ZNF420: variants seen among roughly 807,000 people sequenced by gnomAD.
ZNF420 encodes the protein ATM and p53-associated KZNF protein.
In ZNF420, 31 loss-of-function variants were observed where a neutral mutation model predicts 44.7. The observed-to-expected ratio is 0.69, with a 90% CI of 0.52 to 0.94. The LOEUF (loss-of-function observed/expected upper bound fraction) is 0.94. Among genes scored for constraint, ZNF420 ranks in the 40% least tolerant of loss-of-function variants. ZNF420 has a pLI of 0.00. For missense variants in ZNF420, 681 were observed against 827.9 expected, an observed-to-expected ratio of 0.82 and a Z score of 2.18; for synonymous variants, 245 against 267.4, an observed-to-expected ratio of 0.92 and a Z score of 0.82.
chr19:37,079,870 T>C (rs895700895), intron 1 of ZNF420, among the ~76,000 whole-genome samples: 1 of 152,124 alleles, frequency 6.6e-6, no homozygotes, highest in Non-Finnish European at 1.5e-5. Flanking sequence ...GGCGCATGCC[T>C]GTAATCCCAG....
chr19:37,090,787 G>T (rs1219267670), intron 3 of ZNF420, among the ~76,000 whole-genome samples: 2 of 151,868 alleles, frequency 1.3e-5, no homozygotes, highest in African/African-American at 4.8e-5. Flanking sequence ...GGGCGCAGTG[G>T]CAGGTGCCTG....
At chr19:37,121,128 A>C (rs1196348308) in intron 4 of ZNF420, among the ~76,000 whole-genome samples, 1 of 147,820 alleles carries the variant, frequency 6.8e-6, no homozygotes, top group African/African-American at 2.5e-5. Flanking sequence ...AAACTACTTT[A>C]AAGTTCATAT....
intron 1 of ZNF420, among the ~76,000 whole-genome samples, chr19:37,028,999 T>C (rs1967202781): frequency 6.6e-6 from 1 of 152,342 alleles, no homozygotes; most frequent in South Asian, 2.1e-4. Flanking sequence ...GCAATAATTG[T>C]CTCATTTTAC....
At chr19:37,044,309 G>A (rs1338948554) in intron 1 of ZNF420, among the ~76,000 whole-genome samples, 1 of 152,186 alleles carries the variant, frequency 6.6e-6, no homozygotes, top group African/African-American at 2.4e-5. Flanking sequence ...TTGAGGCCAG[G>A]AGTTCAAGAC....
intron 4 of ZNF420, among the ~76,000 whole-genome samples, chr19:37,100,755 T>C (rs1437369601): frequency 6.6e-6 from 1 of 152,088 alleles, no homozygotes; most frequent in Non-Finnish European, 1.5e-5. Context: ...ACTTTTGTGG[T>C]TCCATATGAA....
intron 1 of ZNF420, among the ~76,000 whole-genome samples, chr19:37,057,691 C>T (rs1202171710): frequency 1.3e-5 from 2 of 152,056 alleles, no homozygotes; most frequent in Non-Finnish European, 2.9e-5. Flanking sequence ...AAGGCCTCGA[C>T]CACATGAGGA....
At chr19:37,038,255 C>G (rs1967392605) in intron 1 of ZNF420, among the ~76,000 whole-genome samples, 1 of 152,216 alleles carries the variant, frequency 6.6e-6, no homozygotes, top group Non-Finnish European at 1.5e-5. Flanking sequence ...TAACCATCAT[C>G]TGGTCCTTCA....
chr19:37,053,839 C>T (rs1252911319), intron 1 of ZNF420, among the ~76,000 whole-genome samples: 11 of 152,182 alleles, frequency 7.2e-5, no homozygotes, highest in Non-Finnish European at 1.5e-4. Flanking sequence ...TCTGTCCATT[C>T]TCAGATCTCC....
At chr19:37,024,505 A>C (rs2074670904) in intron 1 of ZNF420, among the ~76,000 whole-genome samples, 1 of 152,120 alleles carries the variant, frequency 6.6e-6, no homozygotes, top group African/African-American at 2.4e-5. Context: ...GCTGGGGTGC[A>C]GTGGTGCAAT....
In ZNF420 at chr19:37,087,306, T is replaced by A. The variant is rs897824861; in HGVS notation, c.-80-1733T>A. Among the ~76,000 whole-genome samples, 316 of 138,098 alleles carry A rather than the reference T, an allele frequency of 2.3e-3. 1 individual carries two copies. Among genetic ancestry groups the A allele is most frequent in the East Asian group, 8.6e-3 (41 of 4,788 alleles). 90.6% of individuals were successfully genotyped at this position (138,098 alleles called of 152,430 possible). A position where few individuals can be genotyped will look rare whatever the true frequency, so the allele number is the denominator to read the frequency against. On this transcript the variant is annotated intron_variant, in intron 2 of 4. Coordinates refer to ENST00000337995, the MANE Select transcript of ZNF420 (RefSeq NM_144689.5). ...TCAAAAAAAAAAATAAATAAATAAA[T>A]AAATAAATAAATAAATAAATAAATA...
At chr19:37,089,637 G>A (rs1241541302) in intron 3 of ZNF420, among the ~76,000 whole-genome samples, 4 of 152,126 alleles carry the variant, frequency 2.6e-5, no homozygotes, top group African/African-American at 7.2e-5. Flanking sequence ...TTTGAAATTC[G>A]ACATTATGTG....
Position 37,128,644 on chromosome 19 carries a change from A to G in ZNF420, c.1653A>G (p.Arg551=), listed in dbSNP as rs144535662. ...ARGLLLIQHQ[R]IHTGEKPYQC... Reference sequence around the variant, plus strand: ...GCTTACTACTTATACAACATCAGAGAATTCATACTGGTGAGAAACCATATC... The same window carrying G: ...GCTTACTACTTATACAACATCAGAGGATTCATACTGGTGAGAAACCATATC... The change falls in exon 5 of 5, where the codon AGA becomes AGG. Residue 551 remains arginine (R), a synonymous_variant. Transcript: ENST00000337995. 1.9e-5 allele frequency: 31 copies of G among 1,613,924 alleles called. 1 individual carries two copies. Among genetic ancestry groups the G allele is most frequent in the Non-Finnish European group, 2.6e-5 (31 of 1,179,966 alleles).
At chr19:37,079,479 A>G (rs1000865075) in intron 1 of ZNF420, among the ~76,000 whole-genome samples, 1 of 152,078 alleles carries the variant, frequency 6.6e-6, no homozygotes, top group Non-Finnish European at 1.5e-5. Flanking sequence ...CTGCCCTTTC[A>G]TCCATGGCCT....
intron 1 of ZNF420, among the ~76,000 whole-genome samples, chr19:37,068,443 C>A (rs1309694083): frequency 6.6e-6 from 1 of 152,104 alleles, no homozygotes; most frequent in Non-Finnish European, 1.5e-5. Flanking sequence ...AGTTCAAGAC[C>A]AGCCTGACCA....
chr19:37,118,369 A>C (rs1254886926), intron 4 of ZNF420, among the ~76,000 whole-genome samples: 1 of 152,186 alleles, frequency 6.6e-6, no homozygotes, highest in Non-Finnish European at 1.5e-5. Context: ...CAGCCAAACT[A>C]AGCTTCATAA....
At chr19:37,020,058 A>C (rs1183926903) in intron 1 of ZNF420, among the ~76,000 whole-genome samples, 1 of 152,016 alleles carries the variant, frequency 6.6e-6, no homozygotes, top group African/African-American at 2.4e-5. Context: ...TCTACTAAAA[A>C]TACAAAAAAT....
In ZNF420 at chr19:37,030,192, C is replaced by T. The variant is rs533688761; in HGVS notation, c.-125+22110C>T. Among the ~76,000 whole-genome samples, 5 of 152,186 alleles carry T rather than the reference C, an allele frequency of 3.3e-5. No individual in the cohort carries two copies. In the South Asian group the frequency reaches 6.2e-4, roughly 19 times the overall value. On this transcript the variant is annotated intron_variant, in intron 1 of 4. Transcript: ENST00000587029. The stretch of plus-strand genomic sequence containing the variant: ...GTTGTTGTTGTTTGAGAGGGAGTCT[C>T]GCTCTGTCGCCCAGGCTGGAATGCA...
intron 1 of ZNF420, among the ~76,000 whole-genome samples, chr19:37,038,874 T>C (rs545326821): frequency 2.3e-4 from 35 of 151,714 alleles, no homozygotes; most frequent in African/African-American, 7.0e-4. Flanking sequence ...TAATACCAGC[T>C]CCTCGGGCGT....
chr19:37,122,502 T>A (rs1350321128), intron 4 of ZNF420, among the ~76,000 whole-genome samples: 2 of 151,980 alleles, frequency 1.3e-5, no homozygotes, highest in Non-Finnish European at 2.9e-5. Flanking sequence ...TTAGGAGATA[T>A]ACCTAATGCT....
Sources: allele counts gnomAD v4.1 joint callset (sites outside exome capture counted in the v4.1 genomes callset), GRCh38; gene constraint gnomAD v4.1.1; transcripts MANE v1.5; gene names NCBI Gene and HGNC (gene_info 2026-07-23, HGNC 2026-07-21).